FOXN3: variants seen among roughly 807,000 people sequenced by gnomAD.
The protein encoded by FOXN3 is forkhead box protein N3.
In FOXN3, 7 loss-of-function variants were observed where a neutral mutation model predicts 38.4. The ratio of observed to expected loss-of-function variants is 0.18; its 90% CI spans 0.10 to 0.34. FOXN3 has a LOEUF of 0.34. FOXN3 is among the 10% of genes least tolerant of loss of function. The pLI is 1.00. For missense variants in FOXN3, 456 were observed against 613.4 expected (o/e 0.74, Z 2.71); for synonymous variants, 230 against 242.2 (o/e 0.95, Z 0.47).
intron 1 of FOXN3, among the ~76,000 whole-genome samples, chr14:89,566,348 T>G (rs1250102590): frequency 2.0e-5 from 3 of 152,256 alleles, no homozygotes; most frequent in Non-Finnish European, 4.4e-5. Context: ...ATAAAACTGC[T>G]GCCAGCTCAC....
At chr14:89,284,271 C>A (rs1307183690) in intron 3 of FOXN3, among the ~76,000 whole-genome samples, 1 of 152,102 alleles carries the variant, frequency 6.6e-6, no homozygotes, top group Non-Finnish European at 1.5e-5. Context: ...TTGCCTCATC[C>A]TCCCAAAGCA....
intron 5 of FOXN3, 84 bp downstream of exon 5, chr14:89,180,617 T>G (rs927358019): frequency 2.3e-5 from 23 of 982,830 alleles, no homozygotes; most frequent in Non-Finnish European, 3.2e-5. Context: ...GCAGCTCCTC[T>G]CTGTCTCCAG....
chr14:89,512,726 A>G (rs2139810644), intron 1 of FOXN3, among the ~76,000 whole-genome samples: 1 of 152,360 alleles, frequency 6.6e-6, no homozygotes, highest in South Asian at 2.1e-4. Context: ...AAAATAATCA[A>G]TGTGTCAAAG....
chr14:89,385,577 G>A (rs1158802530), intron 2 of FOXN3, among the ~76,000 whole-genome samples: 1 of 151,672 alleles, frequency 6.6e-6, no homozygotes, highest in East Asian at 1.9e-4. Context: ...GGAGGCAGAG[G>A]CAGATGGATC....
At chr14:89,289,707 G>A (rs1001943997) in intron 3 of FOXN3, among the ~76,000 whole-genome samples, 2 of 152,150 alleles carry the variant, frequency 1.3e-5, no homozygotes, top group African/African-American at 2.4e-5. Context: ...AAAAGCGTGG[G>A]CGGAAATACG....
chr14:89,593,222 G>A (rs1895994434), intron 1 of FOXN3, among the ~76,000 whole-genome samples: 1 of 142,818 alleles, frequency 7.0e-6, no homozygotes, highest in Admixed American at 7.0e-5. Context: ...AAGGAAGGGA[G>A]GAAGAGGGAG....
chr14:89,473,173 T>C (rs1363972926), intron 1 of FOXN3, among the ~76,000 whole-genome samples: 7 of 149,426 alleles, frequency 4.7e-5, no homozygotes, highest in South Asian at 4.3e-4. Context: ...TACAGGCGCC[T>C]CCCACCACGC....
chr14:89,587,756 T>C (rs1895871598), intron 1 of FOXN3, among the ~76,000 whole-genome samples: 1 of 151,458 alleles, frequency 6.6e-6, no homozygotes, highest in African/African-American at 2.4e-5. Context: ...AATCCCAGCT[T>C]TCAGGAGGCT....
intron 3 of FOXN3, among the ~76,000 whole-genome samples, chr14:89,302,882 G>A (rs1046276413): frequency 1.3e-5 from 2 of 152,218 alleles, no homozygotes; most frequent in African/African-American, 4.8e-5. Context: ...TTTTAGTACT[G>A]TGCTACAGCT....
intron 1 of FOXN3, among the ~76,000 whole-genome samples, chr14:89,588,292 C>A (rs1012392585): frequency 2.0e-5 from 3 of 152,096 alleles, no homozygotes; most frequent in Non-Finnish European, 4.4e-5. Context: ...TCCTGTACAG[C>A]CTACAGAACC....
intron 5 of FOXN3, among the ~76,000 whole-genome samples, chr14:89,170,246 C>G (rs538376031): frequency 9.9e-5 from 15 of 152,242 alleles, no homozygotes; most frequent in Admixed American, 9.1e-4. Context: ...CAAGAAGAAA[C>G]AGTCAAATCT....
intron 2 of FOXN3, chr14:89,364,393 G>A (rs1027332832): frequency 2.7e-5 from 4 of 148,644 alleles, no homozygotes; most frequent in African/African-American, 1.0e-4. Context: ...TTTTTTTTCA[G>A]AAGGAAAGAT....
chr14:89,389,989 G>A (rs566687637), intron 2 of FOXN3, among the ~76,000 whole-genome samples: 112 of 152,170 alleles, frequency 7.4e-4, no homozygotes, highest in African/African-American at 2.4e-3. Flanking sequence ...GGAGGCCGAG[G>A]TGGGCAGATC....
intron 3 of FOXN3, among the ~76,000 whole-genome samples, chr14:89,324,476 GTGTGTGTGTA>G (rs1168964529): frequency 2.0e-5 from 3 of 151,112 alleles, no homozygotes; most frequent in African/African-American, 2.4e-5. Context: ...GTGTGTGTGT[GTGTGTGTGTA>G]TGTACCCACA....
chr14:89,518,700 G>T (rs1894257544), intron 1 of FOXN3, among the ~76,000 whole-genome samples: 1 of 152,204 alleles, frequency 6.6e-6, no homozygotes, highest in Non-Finnish European at 1.5e-5. Flanking sequence ...TGCAAGAAAA[G>T]AATTCAGGAA....
At chr14:89,258,396 T>G (rs1052326189) in intron 4 of FOXN3, among the ~76,000 whole-genome samples, 5 of 152,202 alleles carry the variant, frequency 3.3e-5, no homozygotes, top group African/African-American at 1.2e-4. Flanking sequence ...TAAATCACTG[T>G]CACTGATAGG....
intron 4 of FOXN3, among the ~76,000 whole-genome samples, chr14:89,214,835 A>G (rs896793025): frequency 1.3e-5 from 2 of 152,256 alleles, no homozygotes; most frequent in Non-Finnish European, 2.9e-5. Flanking sequence ...GGCTACAACT[A>G]GCTCCTTGGG....
rs991295648 is a variant in FOXN3, at chr14:89,163,495, A to G, written c.852-526T>C. Among the ~76,000 whole-genome samples, 3 of 152,118 alleles carry G rather than the reference A, an allele frequency of 2.0e-5. No homozygotes were observed. The highest frequency in any genetic ancestry group is 1.9e-4 in the East Asian group (1 of 5,190). On this transcript the variant is annotated intron_variant, in intron 5 of 5. Transcript: ENST00000557258. This position sits in a 1 kb window ranked among gnomAD's most constrained non-coding sequence, Gnocchi z 4.3. Reference sequence around the variant, plus strand: ...ATGCATTCCCTCCCTCGTTCATGCAATCTACAAATACTCACTGAGCGCCTA... The same window carrying G: ...ATGCATTCCCTCCCTCGTTCATGCAGTCTACAAATACTCACTGAGCGCCTA...
chr14:89,516,801 G>A (rs403071), intron 1 of FOXN3, among the ~76,000 whole-genome samples: 83,031 of 151,566 alleles, frequency 0.55, 23,167 homozygotes, highest in Middle Eastern at 0.59. Flanking sequence ...GAGCTCAAGC[G>A]ATCTGTCCAC....
Sources: allele counts gnomAD v4.1 joint callset (sites outside exome capture counted in the v4.1 genomes callset), GRCh38; gene constraint gnomAD v4.1.1; non-coding constraint Gnocchi (gnomAD v3.1); transcripts MANE v1.5; gene names NCBI Gene and HGNC (gene_info 2026-07-23, HGNC 2026-07-21).